CCDC66: variants seen among roughly 807,000 people sequenced by gnomAD.
CCDC66 encodes coiled-coil domain containing 66.
A neutral mutation model predicts 128.3 loss-of-function variants in CCDC66; 133 were observed. The ratio of observed to expected loss-of-function variants is 1.04; its 90% CI spans 0.90 to 1.20. The LOEUF (loss-of-function observed/expected upper bound fraction) is 1.20, where lower values mean the gene tolerates loss of function less well. Ranked by LOEUF, CCDC66 falls within the 50% of genes most tolerant of loss-of-function variation. The probability of loss-of-function intolerance (pLI) is 0.00; values close to 1 mark genes in which losing one functional copy is unlikely to be tolerated. For missense variants in CCDC66, 1,126 were observed against 1,075.5 expected, an observed-to-expected ratio of 1.05 and a Z score of -0.66; for synonymous variants, 387 against 357.0, an observed-to-expected ratio of 1.08 and a Z score of -0.95.
intron 7 of CCDC66, among the ~76,000 whole-genome samples, chr3:56,584,164 C>T (rs1368155117): frequency 4.0e-5 from 6 of 148,924 alleles, no homozygotes; most frequent in African/African-American, 1.5e-4. Context: ...GGCGGCCCCC[C>T]ACCTCCCGGG....
intron 10 of CCDC66, among the ~76,000 whole-genome samples, chr3:56,598,967 A>AT (rs965239855): frequency 2.4e-4 from 36 of 151,878 alleles, no homozygotes; most frequent in African/African-American, 7.3e-4. Context: ...CTCCTCTTTG[A>AT]TTTTTTTGGA....
At position 56,609,886 on chromosome 3, in the gene CCDC66, G is replaced by A. The variant is rs891213734; in HGVS notation, c.1405-3703G>A. 3.3e-5 allele frequency among the ~76,000 whole-genome samples: 5 copies of A among 152,258 alleles called. 1 individual carries two copies. In the South Asian group the frequency reaches 1.0e-3, roughly 32 times the overall value. On this transcript the variant is annotated intron_variant, in intron 10 of 17. Coordinates refer to ENST00000394672, the MANE Select transcript of CCDC66 (RefSeq NM_001141947.3). ...GGCTGATAATTTTTTTGTTTGAGGA[G>A]GCTGAAGATAGGGCCCCAATCTCTT...
At chr3:56,596,584 T>C (rs2071969890) in intron 10 of CCDC66, among the ~76,000 whole-genome samples, 1 of 149,714 alleles carries the variant, frequency 6.7e-6, no homozygotes, top group Non-Finnish European at 1.5e-5. Context: ...TTGTTTCCTT[T>C]CCCGTGCAGA....
At chr3:56,619,572 T>C (rs750721982) in intron 16 of CCDC66, 45 bp downstream of exon 16, 23 of 1,484,340 alleles carry the variant, frequency 1.5e-5, no homozygotes, top group Non-Finnish European at 1.9e-5. Context: ...TGAAGACCCA[T>C]GTAAACCCCG....
Position 56,571,310 on chromosome 3 carries a change from A to G in CCDC66, c.936+8A>G. The G allele has an allele frequency of 6.8e-7, 1 of 1,472,290 alleles. No individual in the cohort carries two copies. The allele number at this position is 1,472,290 out of a possible 1,614,324, so 91.2% of individuals were successfully genotyped here. ...ATTCTTGACCAATCTAGGGTAAGAC[A>G]TCTTAATTGCAATTTTTAAAATACT... On this transcript the variant is annotated splice_region_variant and intron_variant, in intron 7 of 17. Transcript: ENST00000394672.
Position 56,567,157 on chromosome 3 carries a change from C to T in CCDC66, c.814+104C>T, listed in dbSNP as rs575469570. On this transcript the variant is annotated intron_variant, in intron 6 of 17. Coordinates refer to ENST00000394672, the MANE Select transcript of CCDC66 (RefSeq NM_001141947.3). Reference sequence around the variant, plus strand: ...CTGTAATACCAGCACTTTGGGAAGCCGAGGTGGGTGGATCAGGAGGGCAAG... The same window carrying T: ...CTGTAATACCAGCACTTTGGGAAGCTGAGGTGGGTGGATCAGGAGGGCAAG... 2.5e-5 allele frequency: 19 copies of T among 756,366 alleles called. 1 individual carries two copies. The highest frequency in any genetic ancestry group is 3.6e-5 in the Non-Finnish European group (16 of 447,006). 46.9% of individuals were successfully genotyped at this position (756,366 alleles called of 1,614,324 possible).
chr3:56,596,758 ATTT>A (rs35527957), intron 10 of CCDC66, among the ~76,000 whole-genome samples: 69 of 96,802 alleles, frequency 7.1e-4, no homozygotes, highest in African/African-American at 1.9e-3. Context: ...TCCATCTTGA[ATTT>A]TTTTTTTTTT....
chr3:56,571,446 G>T, intron 7 of CCDC66, 144 bp downstream of exon 7: 1 of 516,598 alleles, frequency 1.9e-6, no homozygotes, highest in Non-Finnish European at 3.3e-6. Context: ...CAGTGGCACA[G>T]TCTCAGCTCA....
chr3:56,619,430 T>G lies in CCDC66; in HGVS notation c.2538T>G (p.Phe846Leu). 1 of 1,614,110 alleles carries G rather than the reference T, an allele frequency of 6.2e-7. No homozygotes were observed. The highest frequency in any genetic ancestry group is 8.5e-7 in the Non-Finnish European group (1 of 1,179,988). ...CTGGGATTTCTGAATCATCCCATTTTATTCCGTATGTTCGAACAAATGAGA... is the reference window on the plus strand; with the variant it reads ...CTGGGATTTCTGAATCATCCCATTTGATTCCGTATGTTCGAACAAATGAGA... ...LSSGISESSH[F>L]IPYVRTNEIY... is the part of the protein sequence containing the mutation. The change falls in exon 16 of 18, where the codon TTT becomes TTG. Residue 846 changes from phenylalanine to leucine, a missense_variant. Physicochemically the swap from Phe to Leu is conservative, Grantham distance 22. Transcript: ENST00000394672.
chr3:56,580,498 C>A (rs940478530), intron 7 of CCDC66, among the ~76,000 whole-genome samples: 14 of 151,736 alleles, frequency 9.2e-5, no homozygotes, highest in African/African-American at 2.7e-4. Flanking sequence ...CAGTTTCTTC[C>A]TAGCCTCGAT....
At chr3:56,602,816 G>A (rs868162772) in intron 10 of CCDC66, among the ~76,000 whole-genome samples, 3 of 147,140 alleles carry the variant, frequency 2.0e-5, no homozygotes, top group Admixed American at 7.1e-5. Context: ...TGGGAACAGC[G>A]GTGATATCCC....
At position 56,563,764 on chromosome 3, in the gene CCDC66, T is replaced by A. The variant is rs1308555507; in HGVS notation, c.183T>A (p.Cys61Ter). 1.3e-6 allele frequency: 2 copies of A among 1,551,730 alleles called. No homozygotes were observed. The highest frequency in any genetic ancestry group is 2.7e-5 in the African/African-American group (2 of 73,054). The change falls in exon 4 of 18, where the codon TGT (cysteine) becomes TGA (stop). Residue 61 changes from cysteine to a stop codon, truncating the protein, a stop_gained. Transcript: ENST00000394672. LOFTEE classifies it high-confidence loss of function. Reference sequence around the variant, plus strand: ...TTCTAAAATCAACACAAGATACTTGTATTGGGAGTGAAAAACTTTTGCAAA... The same window carrying A: ...TTCTAAAATCAACACAAGATACTTGAATTGGGAGTGAAAAACTTTTGCAAA... ...GHILKSTQDT[C>*]IGSEKLLQKK... is the part of the protein sequence containing the mutation.
At chr3:56,596,471 GAATA>G (rs1559711218) in intron 10 of CCDC66, among the ~76,000 whole-genome samples, 2 of 142,340 alleles carry the variant, frequency 1.4e-5, no homozygotes, top group African/African-American at 5.1e-5. Context: ...TTTGTTGGAT[GAATA>G]GTTTGCAGAT....
chr3:56,617,294 C>A lies in CCDC66; in HGVS notation c.2026C>A (p.Arg676=). 3 of 1,613,186 alleles carry A rather than the reference C, an allele frequency of 1.9e-6. No homozygotes were observed. The highest frequency in any genetic ancestry group is 2.5e-6 in the Non-Finnish European group (3 of 1,179,750). ...AGCCAGCTTAGAAAAAGAAAACAAT[C>A]GGTGTAATGACCAGTGTAATCAGTT... is the stretch of plus-strand genomic sequence containing the variant. ...KGASLEKENN[R]CNDQCNQFTR... Residue 676 remains arginine (R), a synonymous_variant, in exon 14 of 18, where the codon CGG becomes AGG. Transcript: ENST00000394672.
chr3:56,604,502 T>C (rs1394107730), intron 10 of CCDC66, among the ~76,000 whole-genome samples: 2 of 152,086 alleles, frequency 1.3e-5, no homozygotes, highest in Non-Finnish European at 2.9e-5. Context: ...AATTTCCTTG[T>C]CTATAAAGGA....
Position 56,615,961 on chromosome 3 carries a change from C to A in CCDC66, c.1751C>A (p.Ser584Ter). 1 of 1,598,888 alleles carries A rather than the reference C, an allele frequency of 6.3e-7. No individual in the cohort carries two copies. Among genetic ancestry groups the A allele is most frequent in the South Asian group, 1.1e-5 (1 of 89,306 alleles). The change falls in exon 13 of 18, where the codon TCA (serine) becomes TAA (stop). Residue 584 changes from serine to a stop codon, truncating the protein, a stop_gained. Transcript: ENST00000394672. LOFTEE classifies it high-confidence loss of function. ...ATGGAATATAATGCATCTAACATTTCAAATTCAAGACATGATTCTGATGAA... is the reference window on the plus strand; with the variant it reads ...ATGGAATATAATGCATCTAACATTTAAAATTCAAGACATGATTCTGATGAA... The part of the protein sequence containing the change: ...IQMEYNASNI[S>*]NSRHDSDEIS...
chr3:56,559,519 C>A, intron 2 of CCDC66, 50 bp from the exon 3 acceptor site: 1 of 1,277,680 alleles, frequency 7.8e-7, no homozygotes, highest in South Asian at 1.4e-5. Context: ...GCATTACCAC[C>A]TTAGTATGCT....
At chr3:56,557,294 T>C (rs1279482960) in intron 1 of CCDC66, 41 bp downstream of exon 1, 1 of 545,222 alleles carries the variant, frequency 1.8e-6, no homozygotes, top group African/African-American at 2.4e-5. Context: ...GTAAGCAAGG[T>C]GGTCGTCAGC....
chr3:56,617,730 A>G (rs2075697704), intron 14 of CCDC66, 125 bp downstream of exon 14: 1 of 1,188,536 alleles, frequency 8.4e-7, no homozygotes. Context: ...AGCAAACTAT[A>G]TCCCATGGGC....
Sources: allele counts gnomAD v4.1 joint callset (sites outside exome capture counted in the v4.1 genomes callset), GRCh38; gene constraint gnomAD v4.1.1; transcripts MANE v1.5; gene names NCBI Gene and HGNC (gene_info 2026-07-23, HGNC 2026-07-21).